TUSC3: variants seen among roughly 807,000 people sequenced by gnomAD.
The protein encoded by TUSC3 is tumor suppressor candidate 3.
In TUSC3, 45 loss-of-function variants were observed where a neutral mutation model predicts 44.8. The ratio of observed to expected loss-of-function variants is 1.00; its 90% CI spans 0.79 to 1.29. TUSC3 has a LOEUF of 1.29. Among genes scored for constraint, TUSC3 ranks in the 50% most tolerant of loss-of-function variants. The pLI is 0.00. For missense variants in TUSC3, 519 were observed against 437.9 expected, an observed-to-expected ratio of 1.19 and a Z score of -1.65; for synonymous variants, 212 against 152.9, an observed-to-expected ratio of 1.39 and a Z score of -2.85.
intron 1 of TUSC3, among the ~76,000 whole-genome samples, chr8:15,483,201 G>C (rs1276503260): frequency 6.6e-6 from 1 of 152,086 alleles, no homozygotes; most frequent in Non-Finnish European, 1.5e-5. Context: ...AAAAGAAAAA[G>C]AAATGGGAGT....
chr8:15,794,207 CTCT>C, the TUSC3 span, among the ~76,000 whole-genome samples: 2 of 152,160 alleles, frequency 1.3e-5, no homozygotes, highest in African/African-American at 4.8e-5. Context: ...GAGAAACACT[CTCT>C]TCTTGGTCGT....
At chr8:15,787,061 G>A in the TUSC3 span, among the ~76,000 whole-genome samples, 16 of 150,798 alleles carry the variant, frequency 1.1e-4, no homozygotes, top group African/African-American at 3.6e-4. Flanking sequence ...TGCTTTTTAT[G>A]TCTTTTTAAA....
chr8:15,534,979 A>G (rs1801503361), intron 2 of TUSC3, among the ~76,000 whole-genome samples: 1 of 152,150 alleles, frequency 6.6e-6, no homozygotes, highest in South Asian at 2.1e-4. Context: ...TAGGTTTTCA[A>G]TTTTGTCTAT....
At chr8:15,670,245 A>G (rs1807883645) in intron 5 of TUSC3, among the ~76,000 whole-genome samples, 3 of 151,840 alleles carry the variant, frequency 2.0e-5, no homozygotes, top group Non-Finnish European at 2.9e-5. Context: ...GCAGAGGGTA[A>G]TGAATAGAAT....
intron 7 of TUSC3, among the ~76,000 whole-genome samples, chr8:15,736,020 G>A (rs893090553): frequency 2.6e-5 from 4 of 152,058 alleles, no homozygotes; most frequent in East Asian, 1.9e-4. Context: ...GAGCCACCAC[G>A]CCCGGCGATA....
chr8:15,681,306 CT>C (rs574679866), intron 6 of TUSC3, among the ~76,000 whole-genome samples: 47 of 151,332 alleles, frequency 3.1e-4, no homozygotes, highest in African/African-American at 1.1e-3. Context: ...TGGTCCAGGG[CT>C]TTTTTTGGTT....
At chr8:15,425,976 A>G (rs951066301) in intron 1 of TUSC3, among the ~76,000 whole-genome samples, 4 of 152,228 alleles carry the variant, frequency 2.6e-5, no homozygotes, top group Admixed American at 2.0e-4. Context: ...TTATTGTGCC[A>G]TTGTACTCAA....
chr8:15,453,409 A>G (rs930876108), intron 1 of TUSC3, among the ~76,000 whole-genome samples: 8 of 152,238 alleles, frequency 5.3e-5, no homozygotes, highest in African/African-American at 1.7e-4. Context: ...CTAAAAAAGC[A>G]AGTAGCTCCT....
chr8:15,817,750 T>A, the TUSC3 span, among the ~76,000 whole-genome samples: 1 of 152,296 alleles, frequency 6.6e-6, no homozygotes, highest in Middle Eastern at 3.4e-3. Context: ...AATTACCCAG[T>A]CTTGGGTATG....
At chr8:15,428,188 C>A (rs1799829327) in intron 1 of TUSC3, among the ~76,000 whole-genome samples, 1 of 135,810 alleles carries the variant, frequency 7.4e-6, no homozygotes, top group South Asian at 2.4e-4. Flanking sequence ...TCTCATTGTT[C>A]AATTCCCACC....
chr8:15,715,207 T>A, intron 6 of TUSC3, among the ~76,000 whole-genome samples: 1 of 152,118 alleles, frequency 6.6e-6, no homozygotes, highest in Admixed American at 6.6e-5. Flanking sequence ...ATATATTGTG[T>A]TTTTTCCTAA....
intron 2 of TUSC3, among the ~76,000 whole-genome samples, chr8:15,531,555 A>C (rs980426623): frequency 2.6e-5 from 4 of 152,208 alleles, no homozygotes; most frequent in African/African-American, 9.6e-5. Flanking sequence ...CCCAGCCTAA[A>C]GCTTTTTAAT....
intron 2 of TUSC3, among the ~76,000 whole-genome samples, chr8:15,629,442 C>G (rs1805659564): frequency 1.3e-5 from 2 of 150,852 alleles, no homozygotes; most frequent in African/African-American, 4.9e-5. Flanking sequence ...GGAGTTTCTA[C>G]AAATATTTTT....
intron 2 of TUSC3, among the ~76,000 whole-genome samples, chr8:15,503,410 T>G (rs2410275): frequency 6.6e-6 from 1 of 152,006 alleles, no homozygotes; most frequent in South Asian, 2.1e-4. Context: ...AACTAATACT[T>G]GACATACTTT....
At chr8:15,802,424 ATTTCT>A in the TUSC3 span, among the ~76,000 whole-genome samples, 3 of 152,032 alleles carry the variant, frequency 2.0e-5, no homozygotes, top group Admixed American at 1.3e-4. Flanking sequence ...TAATTGCAAA[ATTTCT>A]TTTCTTTTTT....
chr8:15,669,894 T>C (rs1272529602), intron 5 of TUSC3, among the ~76,000 whole-genome samples: 1 of 151,658 alleles, frequency 6.6e-6, no homozygotes, highest in Non-Finnish European at 1.5e-5. Context: ...TAGCAGATGA[T>C]TTGATTTTGT....
At chr8:15,785,845 T>A in the TUSC3 span, among the ~76,000 whole-genome samples, 1 of 152,102 alleles carries the variant, frequency 6.6e-6, no homozygotes, top group African/African-American at 2.4e-5. Context: ...GTCCTGATCA[T>A]CTAACTTATC....
At chr8:15,446,393 T>C (rs1800099420) in intron 1 of TUSC3, among the ~76,000 whole-genome samples, 1 of 151,324 alleles carries the variant, frequency 6.6e-6, no homozygotes, top group South Asian at 2.1e-4. Flanking sequence ...GAGGTGGAGG[T>C]TGTAGCGAGT....
At position 15,564,776 on chromosome 8, in the gene TUSC3, A is replaced by T. The variant is rs912051088; in HGVS notation, c.138+24208A>T. ...GTCGTCTGCAGCTTGACCCATCAAG[A>T]TTTCCCCACGCTTGTGCTGGAGTGT... On this transcript the variant is annotated intron_variant, in intron 1 of 10. Transcript: ENST00000503731. 4.6e-5 allele frequency among the ~76,000 whole-genome samples: 7 copies of T among 151,890 alleles called. No individual in the cohort carries two copies. In the East Asian group the frequency reaches 1.4e-3, roughly 29 times the overall value.
Sources: gnomAD v4.1 joint callset for allele counts (sites outside exome capture counted in the v4.1 genomes callset) on GRCh38, gnomAD v4.1.1 for gene constraint, MANE v1.5 for transcripts, NCBI Gene and HGNC (gene_info 2026-07-23, HGNC 2026-07-21) for gene names.